CERS5: variants seen among roughly 807,000 people sequenced by gnomAD.
The protein encoded by CERS5 is ceramide synthase 5, also known as LAG1 homolog, ceramide synthase 5.
A neutral mutation model predicts 58.9 loss-of-function variants in CERS5; 37 were observed. The ratio of observed to expected loss-of-function variants is 0.63; its 90% CI spans 0.48 to 0.83. The LOEUF (loss-of-function observed/expected upper bound fraction) is 0.83, where lower values mean the gene tolerates loss of function less well. CERS5 is among the 40% of genes least tolerant of loss of function. CERS5 has a pLI of 0.00. For missense variants in CERS5, 398 were observed against 489.3 expected, an observed-to-expected ratio of 0.81 and a Z score of 1.76; for synonymous variants, 147 against 177.8, an observed-to-expected ratio of 0.83 and a Z score of 1.38.
intron 1 of CERS5, among the ~76,000 whole-genome samples, chr12:50,155,672 G>A (rs1347926986): frequency 7.4e-6 from 1 of 135,796 alleles, no homozygotes; most frequent in Non-Finnish European, 1.5e-5. Context: ...GGGAGGCAGA[G>A]CTTGCAGTGA....
chr12:50,144,811 C>T, intron 1 of CERS5: 5 of 1,525,222 alleles, frequency 3.3e-6, no homozygotes, highest in Non-Finnish European at 4.4e-6. Flanking sequence ...GAGGTTATAT[C>T]AAGCAGAGTC....
At chr12:50,143,927 CCTCT>C (rs757846711) in intron 2 of CERS5, 21 bp downstream of exon 2, 3 of 1,381,818 alleles carry the variant, frequency 2.2e-6, no homozygotes, top group Non-Finnish European at 3.1e-6. Context: ...TGTGAATATT[CCTCT>C]CTGTTTCTTT....
At chr12:50,132,767 A>T in intron 9 of CERS5, among the ~76,000 whole-genome samples, 1 of 152,172 alleles carries the variant, frequency 6.6e-6, no homozygotes, top group East Asian at 1.9e-4. Flanking sequence ...AAACAAAAAA[A>T]AGTAGACTCA....
In CERS5 at chr12:50,155,809, T is replaced by A. The variant is rs191952988; in HGVS notation, c.197+11292A>T. 6.0e-3 allele frequency among the ~76,000 whole-genome samples: 626 copies of A among 104,078 alleles called. 3 individuals are homozygous for A. The highest frequency in any genetic ancestry group is 0.022 in the African/African-American group (597 of 27,544). The allele number at this position is 104,078 out of a possible 152,430, so 68.3% of individuals were successfully genotyped here. A position where few individuals can be genotyped will look rare whatever the true frequency, so the allele number is the denominator to read the frequency against. On this transcript the variant is annotated intron_variant, in intron 1 of 9. Transcript: ENST00000317551. ...TGAAATCTTGTCTCTACAAAAAATA[T>A]AACAATTAGTGGCCGGGCATGGTGG...
At chr12:50,161,903 C>G (rs1419337992) in intron 1 of CERS5, among the ~76,000 whole-genome samples, 1 of 99,286 alleles carries the variant, frequency 1.0e-5, no homozygotes, top group South Asian at 3.6e-4. Context: ...GAGACAGAGT[C>G]TCACTCTGTT....
intron 1 of CERS5, among the ~76,000 whole-genome samples, chr12:50,157,756 C>T (rs183791677): frequency 1.7e-4 from 26 of 152,170 alleles, no homozygotes; most frequent in Admixed American, 7.9e-4. Context: ...ATAATTGACA[C>T]TATCTAGACA....
At position 50,129,452 on chromosome 12, in the gene CERS5, A is replaced by ATAT. The variant is rs1565757334; in HGVS notation, c.*1090_*1092dup. ...GCATATTCATTCATATTTCACAACA[A>ATAT]TATTAGTCTATTCAATATAGCAAGT... On this transcript the variant is annotated 3_prime_UTR_variant, in exon 10 of 10. Transcript: ENST00000317551. 2 of 152,090 alleles carry ATAT rather than the reference A, an allele frequency of 1.3e-5. No individual in the cohort carries two copies. Among genetic ancestry groups the ATAT allele is most frequent in the South Asian group, 2.1e-4 (1 of 4,828 alleles). The allele number at this position is 152,090 out of a possible 1,614,324, so 9.4% of individuals were successfully genotyped here. A position where few individuals can be genotyped will look rare whatever the true frequency, so the allele number is the denominator to read the frequency against.
chr12:50,138,165 TC>T (rs1230947379), intron 5 of CERS5, among the ~76,000 whole-genome samples: 1 of 152,164 alleles, frequency 6.6e-6, no homozygotes, highest in African/African-American at 2.4e-5. Flanking sequence ...CTTTAGCAGT[TC>T]CTAGACATAT....
rs531094753 is a variant in CERS5, at chr12:50,145,959, G to A, written c.198-1902C>T. 1.3e-3 allele frequency among the ~76,000 whole-genome samples: 194 copies of A among 152,262 alleles called. 1 individual carries two copies. Among genetic ancestry groups the A allele is most frequent in the African/African-American group, 4.6e-3 (191 of 41,550 alleles). ...GTAAATGAGGCCGTCATTCTTTGTTGTTGAGTTGATGCCATATCAGAGATA... is the reference window on the plus strand; with the variant it reads ...GTAAATGAGGCCGTCATTCTTTGTTATTGAGTTGATGCCATATCAGAGATA... On this transcript the variant is annotated intron_variant, in intron 1 of 9. Coordinates refer to ENST00000317551, the MANE Select transcript of CERS5 (RefSeq NM_147190.5).
chr12:50,132,753 A>G (rs1951401643), intron 9 of CERS5, among the ~76,000 whole-genome samples: 1 of 152,190 alleles, frequency 6.6e-6, no homozygotes, highest in Admixed American at 6.5e-5. Flanking sequence ...CAGAGACTCA[A>G]GAAAAACAAA....
At chr12:50,131,558 C>CAAAAAA (rs752634104) in intron 9 of CERS5, among the ~76,000 whole-genome samples, 3 of 69,818 alleles carry the variant, frequency 4.3e-5, no homozygotes, top group Non-Finnish European at 5.4e-5. Context: ...GACTCCATCT[C>CAAAAAA]AAAAAAAAAA....
chr12:50,144,937 C>G (rs1164903940), intron 1 of CERS5: 2 of 439,528 alleles, frequency 4.6e-6, no homozygotes, highest in Non-Finnish European at 8.1e-6. Context: ...AGTTGGAGAC[C>G]AGCCTGGTCA....
At chr12:50,137,275 A>G (rs1323680320) in intron 6 of CERS5, among the ~76,000 whole-genome samples, 1 of 152,208 alleles carries the variant, frequency 6.6e-6, no homozygotes, top group Non-Finnish European at 1.5e-5. Context: ...AATAGCAGGA[A>G]GAGAGCAAAA....
chr12:50,150,062 G>A (rs1416254249), intron 1 of CERS5, among the ~76,000 whole-genome samples: 1 of 152,166 alleles, frequency 6.6e-6, no homozygotes, highest in Non-Finnish European at 1.5e-5. Flanking sequence ...TTTTTTATGT[G>A]TGCAGCAATA....
chr12:50,136,047 T>C lies in CERS5; in HGVS notation c.659A>G (p.His220Arg). The C allele has an allele frequency of 4.7e-6, 7 of 1,501,386 alleles. No individual in the cohort carries two copies. Among genetic ancestry groups the C allele is most frequent in the Non-Finnish European group, 6.2e-6 (7 of 1,128,138 alleles). The allele number at this position is 1,501,386 out of a possible 1,614,324, so 93.0% of individuals were successfully genotyped here. A position where few individuals can be genotyped will look rare whatever the true frequency, so the allele number is the denominator to read the frequency against. ...GATAAGCCCAATGGTGACCAAGTGATGCACAAACATGATCAGGAAGTCCTA... is the reference window on the plus strand; with the variant it reads ...GATAAGCCCAATGGTGACCAAGTGACGCACAAACATGATCAGGAAGTCCTA... The part of the protein sequence containing the change: ...KRKDFLIMFV[H>R]HLVTIGLISF... Residue 220 changes from histidine to arginine, a missense_variant, in exon 7 of 10, where the codon CAT becomes CGT. By Grantham distance (29) the His-to-Arg change is conservative. Transcript: ENST00000317551.
chr12:50,151,717 A>G (rs541408279), intron 1 of CERS5, among the ~76,000 whole-genome samples: 1 of 152,302 alleles, frequency 6.6e-6, no homozygotes, highest in African/African-American at 2.4e-5. Flanking sequence ...CAATGGCACA[A>G]TCTTGGCTCA....
At chr12:50,162,892 C>T (rs1337186286) in intron 1 of CERS5, among the ~76,000 whole-genome samples, 1 of 152,028 alleles carries the variant, frequency 6.6e-6, no homozygotes, top group Admixed American at 6.6e-5. Flanking sequence ...GCATGAGCCA[C>T]TGTGCCTGGC....
chr12:50,165,359 C>A (rs1017500478), intron 1 of CERS5: 1 of 150,636 alleles, frequency 6.6e-6, no homozygotes, highest in African/African-American at 2.5e-5. Context: ...GCGGAGCTTG[C>A]AGTGAGCTGA....
chr12:50,147,103 CTT>C (rs1952323805), intron 1 of CERS5, among the ~76,000 whole-genome samples: 1 of 151,750 alleles, frequency 6.6e-6, no homozygotes, highest in African/African-American at 2.4e-5. Context: ...TTTGGTATAA[CTT>C]ATAAAACAGG....
Sources: gnomAD v4.1 joint callset for allele counts (sites outside exome capture counted in the v4.1 genomes callset) on GRCh38, gnomAD v4.1.1 for gene constraint, MANE v1.5 for transcripts, NCBI Gene and HGNC (gene_info 2026-07-23, HGNC 2026-07-21) for gene names.